Variants in ADAMTS20 observed in about 807,000 individuals in gnomAD.
ADAMTS20 encodes ADAM metallopeptidase with thrombospondin type 1 motif 20.
In ADAMTS20, 225 loss-of-function variants were observed where a neutral mutation model predicts 260.1. That is an observed-to-expected ratio of 0.87 (90% CI 0.78 to 0.97). ADAMTS20 has a LOEUF of 0.97. Ranked by LOEUF, ADAMTS20 falls within the 50% of genes least tolerant of loss-of-function variation. ADAMTS20 has a pLI of 0.00. For missense variants in ADAMTS20, 2,400 were observed against 2,337.7 expected (o/e 1.03, Z -0.55); for synonymous variants, 802 against 769.5 (o/e 1.04, Z -0.70).
chr12:43,526,250 T>C (rs1943140872), intron 3 of ADAMTS20, among the ~76,000 whole-genome samples: 1 of 152,066 alleles, frequency 6.6e-6, no homozygotes, highest in African/African-American at 2.4e-5. Flanking sequence ...GGTCAGGAGA[T>C]GGAGACCATC....
Position 43,551,189 on chromosome 12 carries a change from C to G in ADAMTS20, c.173G>C (p.Ser58Thr). 6.2e-7 allele frequency: 1 copy of G among 1,613,918 alleles called. No homozygotes were observed. Among genetic ancestry groups the G allele is most frequent in the Non-Finnish European group, 8.5e-7 (1 of 1,179,878 alleles). The change falls in exon 2 of 39, where the codon AGC (serine) becomes ACC (threonine). Residue 58 changes from serine (S) to threonine (T), a missense_variant. Physicochemically the swap from Ser to Thr is moderately conservative, Grantham distance 58. Coordinates refer to ENST00000389420, the MANE Select transcript of ADAMTS20 (RefSeq NM_025003.5). The surrounding 1 kb of genome is among the most constrained non-coding windows in gnomAD (Gnocchi z 4.6). ...VNEFGEVFPQ[S>T]HHFSRQKRSS... Reference sequence around the variant, plus strand: ...GCGTTTCTGCCGGCTGAAGTGGTGGCTCTGAGGGAACACTTCTCCAAACTC... The same window carrying G: ...GCGTTTCTGCCGGCTGAAGTGGTGGGTCTGAGGGAACACTTCTCCAAACTC...
intron 2 of ADAMTS20, among the ~76,000 whole-genome samples, chr12:43,540,865 G>A (rs1395638352): frequency 1.3e-5 from 2 of 152,160 alleles, no homozygotes; most frequent in Non-Finnish European, 2.9e-5. Flanking sequence ...TTGAAAGGCA[G>A]TTAAGTGACT....
intron 8 of ADAMTS20, among the ~76,000 whole-genome samples, chr12:43,467,918 C>T (rs1056577516): frequency 2.0e-5 from 3 of 152,194 alleles, no homozygotes; most frequent in Middle Eastern, 3.4e-3. Context: ...TAGCAGATAA[C>T]AAAGAAACAC....
At chr12:43,442,050 A>G (rs183772871) in intron 16 of ADAMTS20, among the ~76,000 whole-genome samples, 1 of 152,292 alleles carries the variant, frequency 6.6e-6, no homozygotes, top group Admixed American at 6.5e-5. Flanking sequence ...GTTATGTTAA[A>G]TTTAAGGGAA....
At chr12:43,376,365 C>A (rs1940228742) in intron 33 of ADAMTS20, 35 bp from the exon 34 acceptor site, 1 of 1,490,788 alleles carries the variant, frequency 6.7e-7, no homozygotes, top group Non-Finnish European at 9.1e-7. Flanking sequence ...TAACACAGAG[C>A]AAATTACAAA....
chr12:43,507,503 A>G (rs911113637), intron 3 of ADAMTS20, among the ~76,000 whole-genome samples: 2 of 152,180 alleles, frequency 1.3e-5, no homozygotes, highest in Non-Finnish European at 2.9e-5. Flanking sequence ...AACAAATCCC[A>G]TCTTATCTTC....
At chr12:43,516,708 A>G (rs1315551047) in intron 3 of ADAMTS20, among the ~76,000 whole-genome samples, 1 of 152,054 alleles carries the variant, frequency 6.6e-6, no homozygotes, top group Non-Finnish European at 1.5e-5. Flanking sequence ...GGCCCTCATC[A>G]TCCTTGCTCT....
At chr12:43,446,959 G>T (rs924416676) in intron 14 of ADAMTS20, among the ~76,000 whole-genome samples, 1 of 151,870 alleles carries the variant, frequency 6.6e-6, no homozygotes, top group Non-Finnish European at 1.5e-5. Context: ...AGAATCCCTG[G>T]ACAGACCAAT....
chr12:43,404,963 T>C (rs983692937), intron 28 of ADAMTS20, among the ~76,000 whole-genome samples: 8 of 152,142 alleles, frequency 5.3e-5, no homozygotes, highest in Middle Eastern at 3.4e-3. Context: ...ATGAGTGAAT[T>C]TGGCAATGAC....
chr12:43,494,788 G>GA (rs1028457842), intron 4 of ADAMTS20, among the ~76,000 whole-genome samples: 5 of 150,922 alleles, frequency 3.3e-5, no homozygotes, highest in South Asian at 2.1e-4. Flanking sequence ...CTACCATGGA[G>GA]AAAAAAAAAG....
intron 28 of ADAMTS20, among the ~76,000 whole-genome samples, chr12:43,411,613 C>T (rs930910514): frequency 1.3e-5 from 2 of 152,140 alleles, no homozygotes; most frequent in African/African-American, 4.8e-5. Context: ...GGTGATCCAC[C>T]CACCTCAGCC....
chr12:43,517,724 A>C (rs1172312743), intron 3 of ADAMTS20, among the ~76,000 whole-genome samples: 1 of 152,108 alleles, frequency 6.6e-6, no homozygotes, highest in Non-Finnish European at 1.5e-5. Flanking sequence ...AGAATGGCTA[A>C]GAAAATCTTG....
At chr12:43,497,449 A>G (rs551396560) in intron 4 of ADAMTS20, among the ~76,000 whole-genome samples, 3 of 152,278 alleles carry the variant, frequency 2.0e-5, no homozygotes, top group South Asian at 4.1e-4. Flanking sequence ...GATTTTGACA[A>G]ACAAATTTTG....
chr12:43,501,084 G>GC (rs1315827260), intron 4 of ADAMTS20, among the ~76,000 whole-genome samples: 17 of 97,584 alleles, frequency 1.7e-4, no homozygotes, highest in African/African-American at 5.8e-4. Flanking sequence ...TTGAGTCATA[G>GC]TTTCACTCTT....
In ADAMTS20 at chr12:43,545,284, A is replaced by G. The variant is rs192255884; in HGVS notation, c.453+5625T>C. Among the ~76,000 whole-genome samples, 4 of 152,254 alleles carry G rather than the reference A, an allele frequency of 2.6e-5. No individual in the cohort carries two copies. In the South Asian group the frequency reaches 6.2e-4, roughly 24 times the overall value. ...CTAATACATTGAACAAACCTACCAC[A>G]TACTGTTCAAATTCTCACTCCTTTA... On this transcript the variant is annotated intron_variant, in intron 2 of 38. Transcript: ENST00000389420.
chr12:43,381,964 A>G (rs1940364321), intron 31 of ADAMTS20, among the ~76,000 whole-genome samples: 1 of 152,080 alleles, frequency 6.6e-6, no homozygotes, highest in African/African-American at 2.4e-5. Context: ...TAAAAAAAAG[A>G]TGGATTATAA....
At chr12:43,531,600 A>G (rs1943221238) in intron 3 of ADAMTS20, among the ~76,000 whole-genome samples, 1 of 152,162 alleles carries the variant, frequency 6.6e-6, no homozygotes, top group Non-Finnish European at 1.5e-5. Flanking sequence ...TCATAGATGT[A>G]AAGAGTGGAA....
At chr12:43,463,145 A>G in intron 10 of ADAMTS20, 146 bp from the exon 11 acceptor site, 4 of 463,386 alleles carry the variant, frequency 8.6e-6, no homozygotes, top group Non-Finnish European at 1.5e-5. Context: ...TTTTTTACTA[A>G]GTTCTAGTCA....
At chr12:43,444,951 G>A (rs554307695) in intron 15 of ADAMTS20, among the ~76,000 whole-genome samples, 1 of 151,988 alleles carries the variant, frequency 6.6e-6, no homozygotes, top group East Asian at 1.9e-4. Flanking sequence ...TTCATGATTC[G>A]GTATACACTA....
Sources: allele counts gnomAD v4.1 joint callset (sites outside exome capture counted in the v4.1 genomes callset), GRCh38; gene constraint gnomAD v4.1.1; non-coding constraint Gnocchi (gnomAD v3.1); transcripts MANE v1.5; gene names NCBI Gene and HGNC (gene_info 2026-07-23, HGNC 2026-07-21).